Variants in PTPRT observed in about 807,000 individuals in gnomAD.
PTPRT encodes receptor-type tyrosine-protein phosphatase T.
A neutral mutation model predicts 176.8 loss-of-function variants in PTPRT; 56 were observed. The ratio of observed to expected loss-of-function variants is 0.32; its 90% CI spans 0.26 to 0.40. PTPRT has a LOEUF of 0.40. Ranked by LOEUF, PTPRT falls within the 10% of genes least tolerant of loss-of-function variation. The pLI is 1.00. For synonymous variants in PTPRT, 783 were observed against 739.0 expected, an observed-to-expected ratio of 1.06 and a Z score of -0.96; for missense variants, 1,540 against 1,908.2, an observed-to-expected ratio of 0.81 and a Z score of 3.60.
In PTPRT at chr20:42,076,150, C is replaced by A. The variant is rs561838394; in HGVS notation, c.*4729G>T. On this transcript the variant is annotated 3_prime_UTR_variant, in exon 31 of 31. Transcript: ENST00000373187. ...CTGTCCACCACAACCCCATGCCTTA[C>A]CCAGGAATTAATTGTGCCATAGTAA... is the stretch of plus-strand genomic sequence containing the variant. 3 of 202,384 alleles carry A rather than the reference C, an allele frequency of 1.5e-5. No homozygotes were observed. In the East Asian group the frequency reaches 2.3e-4, roughly 15 times the overall value. The allele number at this position is 202,384 out of a possible 1,614,324, so 12.5% of individuals were successfully genotyped here. A position where few individuals can be genotyped will look rare whatever the true frequency, so the allele number is the denominator to read the frequency against.
At chr20:42,726,698 G>C (rs1241881362) in intron 6 of PTPRT, among the ~76,000 whole-genome samples, 2 of 152,184 alleles carry the variant, frequency 1.3e-5, no homozygotes, top group Non-Finnish European at 2.9e-5. Context: ...GGTGTGTCAA[G>C]AACTCACCAC....
At chr20:42,919,714 A>C (rs187180304) in intron 1 of PTPRT, among the ~76,000 whole-genome samples, 8 of 152,352 alleles carry the variant, frequency 5.3e-5, no homozygotes, top group Admixed American at 3.3e-4. Flanking sequence ...GAAACCTTTA[A>C]ACCTTGTAGA....
intron 16 of PTPRT, among the ~76,000 whole-genome samples, chr20:42,179,311 A>C (rs1990420709): frequency 6.6e-6 from 1 of 152,230 alleles, no homozygotes; most frequent in Non-Finnish European, 1.5e-5. Context: ...TAATTCATGA[A>C]AGCTTCTAAA....
intron 27 of PTPRT, among the ~76,000 whole-genome samples, chr20:42,091,314 G>A (rs936065964): frequency 2.0e-5 from 3 of 152,182 alleles, no homozygotes; most frequent in African/African-American, 4.8e-5. Flanking sequence ...GTAGCCTCAC[G>A]CATTAAACGT....
At chr20:42,782,776 A>T (rs1304530370) in intron 3 of PTPRT, among the ~76,000 whole-genome samples, 1 of 152,234 alleles carries the variant, frequency 6.6e-6, no homozygotes, top group Non-Finnish European at 1.5e-5. Context: ...TTGCAAAAAT[A>T]GTGTGAAAAC....
intron 1 of PTPRT, among the ~76,000 whole-genome samples, chr20:43,097,295 C>T (rs2012211168): frequency 6.6e-6 from 1 of 152,086 alleles, no homozygotes; most frequent in Admixed American, 6.6e-5. Context: ...CCTAACCTCC[C>T]TAACCCTCTT....
chr20:42,220,591 G>A (rs896929061), intron 15 of PTPRT, among the ~76,000 whole-genome samples: 1 of 138,548 alleles, frequency 7.2e-6, no homozygotes, highest in South Asian at 2.4e-4. Context: ...AAAGAATGGG[G>A]AAAAAGCCTC....
At chr20:42,456,101 T>C (rs2070918842) in intron 8 of PTPRT, among the ~76,000 whole-genome samples, 1 of 152,058 alleles carries the variant, frequency 6.6e-6, no homozygotes, top group East Asian at 1.9e-4. Flanking sequence ...GTTTTATAGA[T>C]TTATACGTAC....
chr20:42,226,844 C>G (rs2056023943), intron 15 of PTPRT, among the ~76,000 whole-genome samples: 1 of 152,074 alleles, frequency 6.6e-6, no homozygotes, highest in Non-Finnish European at 1.5e-5. Context: ...CAAGCAGGAG[C>G]TATGTGTGAA....
intron 5 of PTPRT, among the ~76,000 whole-genome samples, chr20:42,758,956 AC>A (rs1352299952): frequency 3.3e-5 from 5 of 152,202 alleles, no homozygotes; most frequent in African/African-American, 9.6e-5. Context: ...CACAACTTGG[AC>A]CCCACTATGA....
intron 9 of PTPRT, among the ~76,000 whole-genome samples, chr20:42,424,353 T>C (rs182702734): frequency 6.6e-5 from 10 of 152,248 alleles, no homozygotes; most frequent in South Asian, 2.1e-4. Flanking sequence ...TCCAAGGGCA[T>C]TGTTATCCTA....
At chr20:42,358,863 T>C (rs2058393376) in intron 9 of PTPRT, among the ~76,000 whole-genome samples, 1 of 152,188 alleles carries the variant, frequency 6.6e-6, no homozygotes, top group South Asian at 2.1e-4. Flanking sequence ...CTTTGTGCAG[T>C]GCACAAACTA....
chr20:42,862,040 G>T (rs193268748), intron 2 of PTPRT, among the ~76,000 whole-genome samples: 1 of 150,598 alleles, frequency 6.6e-6, no homozygotes, highest in African/African-American at 2.4e-5. Flanking sequence ...TTATACACAC[G>T]CACACACACA....
intron 6 of PTPRT, among the ~76,000 whole-genome samples, chr20:42,680,624 C>G (rs2146079162): frequency 1.3e-5 from 2 of 152,268 alleles, no homozygotes; most frequent in Middle Eastern, 3.4e-3. Context: ...GACTAGACCT[C>G]TACAGAATTA....
chr20:42,947,312 A>C (rs1410151260), intron 1 of PTPRT, among the ~76,000 whole-genome samples: 1 of 151,884 alleles, frequency 6.6e-6, no homozygotes, highest in African/African-American at 2.4e-5. Flanking sequence ...GTTAAAATGC[A>C]CCCTCCTTGC....
At chr20:42,754,383 A>G (rs2076801533) in intron 6 of PTPRT, among the ~76,000 whole-genome samples, 1 of 151,928 alleles carries the variant, frequency 6.6e-6, no homozygotes, top group South Asian at 2.1e-4. Context: ...ACGGGGTTTC[A>G]CCATGTTGGC....
chr20:43,064,040 A>T (rs1363333652), intron 1 of PTPRT, among the ~76,000 whole-genome samples: 1 of 152,172 alleles, frequency 6.6e-6, no homozygotes, highest in African/African-American at 2.4e-5. Flanking sequence ...TCTTAAAAAA[A>T]AAAAAGTTCC....
At chr20:42,815,209 C>T (rs1375400565) in intron 2 of PTPRT, among the ~76,000 whole-genome samples, 3 of 152,246 alleles carry the variant, frequency 2.0e-5, no homozygotes, top group Middle Eastern at 3.4e-3. Flanking sequence ...ATAGCACGTT[C>T]ATTTGCAGAA....
chr20:42,708,328 T>C (rs1330170329), intron 6 of PTPRT, among the ~76,000 whole-genome samples: 2 of 152,180 alleles, frequency 1.3e-5, no homozygotes, highest in African/African-American at 4.8e-5. Context: ...ACAGACAGGA[T>C]AGACTCTAAT....
Sources: gnomAD v4.1 joint callset for allele counts (sites outside exome capture counted in the v4.1 genomes callset) on GRCh38, gnomAD v4.1.1 for gene constraint, MANE v1.5 for transcripts, NCBI Gene and HGNC (gene_info 2026-07-23, HGNC 2026-07-21) for gene names.